Variants in PAPPA2 observed in about 807,000 individuals in gnomAD.
PAPPA2 encodes the protein pappalysin 2, also known as pappalysin-2.
PAPPA2 carries 86 observed loss-of-function variants against 176.4 expected under a neutral mutation model. The observed-to-expected ratio is 0.49, with a 90% CI of 0.41 to 0.58. The LOEUF is 0.58. PAPPA2 is among the 20% of genes least tolerant of loss of function. PAPPA2 has a pLI of 0.00. For synonymous variants in PAPPA2, 809 were observed against 852.2 expected (o/e 0.95, Z 0.88); for missense variants, 2,073 against 2,256.9 (o/e 0.92, Z 1.65).
chr1:176,684,438 T>G (rs1401221491), intron 4 of PAPPA2, among the ~76,000 whole-genome samples: 1 of 152,048 alleles, frequency 6.6e-6, no homozygotes, highest in Non-Finnish European at 1.5e-5. Context: ...CCTGGTATAG[T>G]TGAAAATATA....
Position 176,771,092 on chromosome 1 carries a change from C to T in PAPPA2, c.4627C>T (p.Gln1543Ter), listed in dbSNP as rs905600084. The T allele has an allele frequency of 1.7e-5, 28 of 1,614,052 alleles. No individual in the cohort carries two copies. Among genetic ancestry groups the T allele is most frequent in the Non-Finnish European group, 2.4e-5 (28 of 1,180,034 alleles). Residue 1543 changes from glutamine (Q) to a stop codon, truncating the protein, a stop_gained, in exon 17 of 23, where the codon CAG (glutamine) becomes TAG (stop). Transcript: ENST00000367662. LOFTEE classifies it high-confidence loss of function. ...CAACTTGCTCCTGCCTCACTGCCTC[C>T]AGGACAACCACGACGTGGGCACCAT... ...NANLLLPHCL[Q>*]DNHDVGTICK... is the part of the protein sequence containing the mutation.
intron 12 of PAPPA2, among the ~76,000 whole-genome samples, chr1:176,715,483 G>A (rs1661328123): frequency 6.6e-6 from 1 of 152,164 alleles, no homozygotes; most frequent in South Asian, 2.1e-4. Flanking sequence ...ACACCTTGTG[G>A]GGCCTCTGTG....
chr1:176,477,447 A>C lies in PAPPA2; in HGVS notation c.-917+14029A>C, dbSNP rs557122681. Among the ~76,000 whole-genome samples the C allele has an allele frequency of 2.6e-4, 39 of 152,336 alleles. No individual in the cohort carries two copies. In the South Asian group the frequency reaches 2.9e-3, roughly 11 times the overall value. The stretch of plus-strand genomic sequence containing the variant: ...CTCCGTTCTCTAAACTATACTATTT[A>C]GTTTAATTAAAAGTTATGGTTGGGT... On this transcript the variant is annotated intron_variant, in intron 1 of 22. Transcript: ENST00000367662.
At chr1:176,766,303 TC>T (rs1192382006) in intron 15 of PAPPA2, among the ~76,000 whole-genome samples, 6 of 152,202 alleles carry the variant, frequency 3.9e-5, no homozygotes, top group Non-Finnish European at 8.8e-5. Context: ...AGAGATTCTG[TC>T]ATGATTCTCA....
chr1:176,742,703 AG>A (rs1246970249), intron 14 of PAPPA2, among the ~76,000 whole-genome samples: 2 of 152,176 alleles, frequency 1.3e-5, no homozygotes, highest in Non-Finnish European at 2.9e-5. Context: ...GTATTCTCAA[AG>A]AGTCAAAGTG....
In PAPPA2 at chr1:176,711,881, C is replaced by A. The variant is rs1216299373; in HGVS notation, c.3698C>A (p.Thr1233Asn). The change falls in exon 12 of 23, where the codon ACT becomes AAT. Residue 1233 changes from threonine (T) to asparagine (N), a missense_variant. Around this residue, in one of 4 missense-constraint regions of PAPPA2, gnomAD observed 846 missense variants for 857.9 expected, o/e 0.99. Coordinates refer to ENST00000367662, the MANE Select transcript of PAPPA2 (RefSeq NM_020318.3). ...HPDLPNHRPL[T>N]GWFPCVASEN... ...GATTTACCCAACCACCGTCCCCTAACTGGCTGGTTTCCCTGTGTTGCCAGT... is the reference window on the plus strand; with the variant it reads ...GATTTACCCAACCACCGTCCCCTAAATGGCTGGTTTCCCTGTGTTGCCAGT... The A allele has an allele frequency of 6.2e-7, 1 of 1,613,216 alleles. No individual in the cohort carries two copies. The highest frequency in any genetic ancestry group is 8.5e-7 in the Non-Finnish European group (1 of 1,179,206).
chr1:176,600,153 TGGA>T (rs1452344623), intron 3 of PAPPA2, among the ~76,000 whole-genome samples: 6 of 152,304 alleles, frequency 3.9e-5, no homozygotes, highest in Non-Finnish European at 8.8e-5. Context: ...GCTAACGATT[TGGA>T]GGAGAAGTTC....
intron 3 of PAPPA2, among the ~76,000 whole-genome samples, chr1:176,654,735 C>A (rs1383304563): frequency 6.6e-6 from 1 of 151,654 alleles, no homozygotes; most frequent in East Asian, 1.9e-4. Flanking sequence ...TTGTTTGCAT[C>A]ATCTACAATT....
Position 176,844,997 on chromosome 1 carries a change from C to T in PAPPA2, c.*2543C>T, listed in dbSNP as rs1667614679. ...AGAGCCTCTTAGGCTATAAGGCTTC[C>T]CAGCCATAGTCAGCTATAGCTATTC... is the stretch of plus-strand genomic sequence containing the variant. On this transcript the variant is annotated 3_prime_UTR_variant, in exon 23 of 23. Coordinates refer to ENST00000367662, the MANE Select transcript of PAPPA2 (RefSeq NM_020318.3). The T allele has an allele frequency of 6.6e-6, 1 of 152,168 alleles. No individual in the cohort carries two copies. The highest frequency in any genetic ancestry group is 1.9e-4 in the East Asian group (1 of 5,194). The allele number at this position is 152,168 out of a possible 1,614,324, so 9.4% of individuals were successfully genotyped here. A position where few individuals can be genotyped will look rare whatever the true frequency, so the allele number is the denominator to read the frequency against.
intron 21 of PAPPA2, among the ~76,000 whole-genome samples, chr1:176,839,575 C>G (rs999862486): frequency 6.6e-6 from 1 of 152,134 alleles, no homozygotes; most frequent in African/African-American, 2.4e-5. Context: ...TGGACAGACA[C>G]CATCTGAGTC....
rs138322721 is a variant in PAPPA2, at chr1:176,630,529, G to T, written c.1991+34934G>T. Among the ~76,000 whole-genome samples the T allele has an allele frequency of 5.3e-5, 8 of 152,272 alleles. No homozygotes were observed. In the East Asian group the frequency reaches 1.2e-3, roughly 22 times the overall value. ...ATTGTTTAAACAGATGATGTGACAGGATCAACATTTTGTAGAAGTATGGAG... is the reference window on the plus strand; with the variant it reads ...ATTGTTTAAACAGATGATGTGACAGTATCAACATTTTGTAGAAGTATGGAG... On this transcript the variant is annotated intron_variant, in intron 3 of 22. Coordinates refer to ENST00000367662, the MANE Select transcript of PAPPA2 (RefSeq NM_020318.3).
chr1:176,557,265 C>T, intron 2 of PAPPA2, 24 bp downstream of exon 2: 1 of 1,541,296 alleles, frequency 6.5e-7, no homozygotes, highest in Non-Finnish European at 8.7e-7. Context: ...CCTGGGCTTT[C>T]TGAAATCCTG....
intron 5 of PAPPA2, chr1:176,690,945 T>C (rs1558522330): frequency 3.0e-6 from 3 of 985,138 alleles, no homozygotes; most frequent in Admixed American, 1.2e-4. Flanking sequence ...GATTCTCTTT[T>C]TCCAGCACTA....
intron 17 of PAPPA2, among the ~76,000 whole-genome samples, chr1:176,773,480 T>G (rs1557862603): frequency 6.6e-6 from 1 of 152,186 alleles, no homozygotes; most frequent in Non-Finnish European, 1.5e-5. Flanking sequence ...CACATGCTAA[T>G]TTTATGCTAC....
At position 176,645,788 on chromosome 1, in the gene PAPPA2, G is replaced by A. The variant is rs1223066306; in HGVS notation, c.1992-25182G>A. 3.3e-5 allele frequency among the ~76,000 whole-genome samples: 5 copies of A among 151,786 alleles called. No individual in the cohort carries two copies. The East Asian group carries it at 9.7e-4, about 30-fold the overall frequency. ...TCTTTTTGATAAAGCCGTTTTAGCT[G>A]GTGTAAGATATTATCTCATGTGGTT... On this transcript the variant is annotated intron_variant, in intron 3 of 22. Transcript: ENST00000367662.
intron 1 of PAPPA2, among the ~76,000 whole-genome samples, chr1:176,515,136 G>A (rs143155079): frequency 6.6e-6 from 1 of 152,174 alleles, no homozygotes; most frequent in Admixed American, 6.5e-5. Flanking sequence ...AGTAATGAGA[G>A]TGCCAATAAA....
chr1:176,464,009 A>G (rs1651499241), intron 1 of PAPPA2, among the ~76,000 whole-genome samples: 1 of 152,166 alleles, frequency 6.6e-6, no homozygotes, highest in Admixed American at 6.5e-5. Context: ...TAATTGAGCC[A>G]AATATCTTAT....
chr1:176,585,088 C>G (rs1280306955), intron 2 of PAPPA2, among the ~76,000 whole-genome samples: 1 of 152,166 alleles, frequency 6.6e-6, no homozygotes. Context: ...TTTGTACTTT[C>G]ATATGTTTTC....
chr1:176,580,401 A>G (rs944273783), intron 2 of PAPPA2, among the ~76,000 whole-genome samples: 1 of 152,130 alleles, frequency 6.6e-6, no homozygotes, highest in African/African-American at 2.4e-5. Flanking sequence ...TTCTTTATCT[A>G]TTCATCCGTT....
Sources: allele counts gnomAD v4.1 joint callset (sites outside exome capture counted in the v4.1 genomes callset), GRCh38; gene constraint gnomAD v4.1.1; regional missense constraint gnomAD v4.1.1; transcripts MANE v1.5; gene names NCBI Gene and HGNC (gene_info 2026-07-23, HGNC 2026-07-21).